The following DLGAP1 variants were observed in gnomAD, a reference collection of about 807,000 sequenced individuals.
The protein encoded by DLGAP1 is disks large-associated protein 1.
In DLGAP1, 11 loss-of-function variants were observed where a neutral mutation model predicts 90.8. The observed-to-expected ratio is 0.12, with a 90% CI of 0.08 to 0.20. DLGAP1 has a LOEUF of 0.20. Among genes scored for constraint, DLGAP1 ranks in the 10% least tolerant of loss-of-function variants. DLGAP1 has a pLI of 1.00. For synonymous variants in DLGAP1, 558 were observed against 540.7 expected (o/e 1.03, Z -0.44); for missense variants, 1,050 against 1,333.8 (o/e 0.79, Z 3.31).
Position 4,101,003 on chromosome 18 carries a change from C to T in DLGAP1, c.-159+50177G>A, listed in dbSNP as rs141612435. On this transcript the variant is annotated intron_variant, in intron 2 of 12. Transcript: ENST00000315677. ...CGAACTTTTTCTATATTATCAGTAA[C>T]GCCATTGCACTTTCTTAATGCTTGT... Among the ~76,000 whole-genome samples, 25 of 152,286 alleles carry T rather than the reference C, an allele frequency of 1.6e-4. 1 individual carries two copies. Among genetic ancestry groups the T allele is most frequent in the South Asian group, 1.0e-3 (5 of 4,828 alleles).
intron 7 of DLGAP1, among the ~76,000 whole-genome samples, chr18:3,618,758 G>A (rs1362412102): frequency 4.0e-5 from 6 of 149,544 alleles, no homozygotes; most frequent in African/African-American, 9.9e-5. Flanking sequence ...CTAACACGGT[G>A]AAACCCCGTC....
intron 3 of DLGAP1, chr18:3,894,689 T>C (rs1251878185): frequency 6.6e-6 from 1 of 152,196 alleles, no homozygotes; most frequent in Non-Finnish European, 1.5e-5. Flanking sequence ...TCTGTATGAA[T>C]TTTCGGATTA....
chr18:3,706,651 A>G (rs902801134), intron 7 of DLGAP1, among the ~76,000 whole-genome samples: 2 of 152,220 alleles, frequency 1.3e-5, no homozygotes, highest in Admixed American at 1.3e-4. Flanking sequence ...AGGCTTGCAC[A>G]TGTGAGACTC....
At chr18:4,245,190 T>C (rs987047589) in intron 1 of DLGAP1, among the ~76,000 whole-genome samples, 1 of 152,240 alleles carries the variant, frequency 6.6e-6, no homozygotes, top group Admixed American at 6.5e-5. Context: ...AAGTGCTCGG[T>C]ACTTGACATT....
intron 5 of DLGAP1, among the ~76,000 whole-genome samples, chr18:3,765,945 C>G (rs1351460784): frequency 6.6e-6 from 1 of 151,984 alleles, no homozygotes; most frequent in Non-Finnish European, 1.5e-5. Flanking sequence ...AGGGAAACAA[C>G]AGACAAAATA....
chr18:3,517,552 T>C lies in DLGAP1; in HGVS notation c.2480-8891A>G, dbSNP rs1220507751. Reference sequence around the variant, plus strand: ...AAGAGAGTTGGCCGGGCGCGGTGGCTCATGCCTGTAATCCCAGCACTTTGG... The same window carrying C: ...AAGAGAGTTGGCCGGGCGCGGTGGCCCATGCCTGTAATCCCAGCACTTTGG... On this transcript the variant is annotated intron_variant, in intron 10 of 12. Coordinates refer to ENST00000315677, the MANE Select transcript of DLGAP1 (RefSeq NM_004746.4). This position sits in a 1 kb window ranked among gnomAD's most constrained non-coding sequence, Gnocchi z 4.1. 6.6e-6 allele frequency among the ~76,000 whole-genome samples: 1 copy of C among 152,128 alleles called. No individual in the cohort carries two copies. Among genetic ancestry groups the C allele is most frequent in the Non-Finnish European group, 1.5e-5 (1 of 68,026 alleles).
intron 3 of DLGAP1, among the ~76,000 whole-genome samples, chr18:3,908,162 G>T (rs772742944): frequency 6.6e-6 from 1 of 152,158 alleles, no homozygotes; most frequent in African/African-American, 2.4e-5. Flanking sequence ...GCATTGTACT[G>T]AACAGAGTAG....
intron 4 of DLGAP1, among the ~76,000 whole-genome samples, chr18:3,876,356 C>A (rs1418379997): frequency 6.6e-6 from 1 of 152,164 alleles, no homozygotes; most frequent in African/African-American, 2.4e-5. Flanking sequence ...ACATTTAATT[C>A]TCTTACTAAC....
intron 1 of DLGAP1, among the ~76,000 whole-genome samples, chr18:4,379,927 G>T (rs2082082834): frequency 6.6e-6 from 1 of 152,150 alleles, no homozygotes; most frequent in South Asian, 2.1e-4. Flanking sequence ...TTTGAAAAAT[G>T]AATAAACCAA....
intron 4 of DLGAP1, chr18:3,821,754 G>A (rs1273318874): frequency 3.5e-6 from 1 of 282,892 alleles, no homozygotes. Context: ...GAGCCTTGAA[G>A]CATCCCAACA....
intron 1 of DLGAP1, among the ~76,000 whole-genome samples, chr18:4,157,145 C>T (rs74808601): frequency 3.3e-5 from 5 of 152,016 alleles, no homozygotes; most frequent in East Asian, 1.9e-4. Flanking sequence ...GAGGTGGGAC[C>T]GGGCCGTCAG....
chr18:3,523,864 AG>A (rs2051428725), intron 10 of DLGAP1, among the ~76,000 whole-genome samples: 1 of 148,784 alleles, frequency 6.7e-6, no homozygotes, highest in Non-Finnish European at 1.5e-5. Flanking sequence ...AAAAAAAAGG[AG>A]GGCAAAGGTC....
intron 7 of DLGAP1, chr18:3,596,871 T>TGATGTTGGCC (rs748241255): frequency 7.7e-6 from 4 of 520,136 alleles, no homozygotes; most frequent in Non-Finnish European, 1.5e-5. Flanking sequence ...CCCTCGTGTT[T>TGATGTTGGCC]GATGTTGGCC....
chr18:4,447,332 C>T (rs927479251), intron 1 of DLGAP1, among the ~76,000 whole-genome samples: 1 of 152,102 alleles, frequency 6.6e-6, no homozygotes, highest in Non-Finnish European at 1.5e-5. Context: ...TAAATCAGAT[C>T]TACATGTCAT....
chr18:4,203,015 C>T lies in DLGAP1; in HGVS notation c.-266-51728G>A, dbSNP rs2077637421. ...TCTTGGCCAGGTGCCATGGCTCATGCCTGTAATCCTAGCACTTTGGGAGGC... is the reference window on the plus strand; with the variant it reads ...TCTTGGCCAGGTGCCATGGCTCATGTCTGTAATCCTAGCACTTTGGGAGGC... On this transcript the variant is annotated intron_variant, in intron 1 of 12. Coordinates refer to ENST00000315677, the MANE Select transcript of DLGAP1 (RefSeq NM_004746.4). Among the ~76,000 whole-genome samples, 3 of 152,094 alleles carry T rather than the reference C, an allele frequency of 2.0e-5. No individual in the cohort carries two copies. The South Asian group carries it at 6.2e-4, about 32-fold the overall frequency.
intron 2 of DLGAP1, among the ~76,000 whole-genome samples, chr18:4,032,082 T>A (rs1013928885): frequency 6.6e-6 from 1 of 152,200 alleles, no homozygotes; most frequent in African/African-American, 2.4e-5. Flanking sequence ...ATATTGGTCA[T>A]GGGGCATGAG....
At chr18:4,268,826 T>C (rs1389460960) in intron 1 of DLGAP1, among the ~76,000 whole-genome samples, 1 of 152,186 alleles carries the variant, frequency 6.6e-6, no homozygotes, top group Non-Finnish European at 1.5e-5. Flanking sequence ...AAAATCAATG[T>C]ATTTAATAAC....
At chr18:3,663,497 C>T (rs952822798) in intron 7 of DLGAP1, among the ~76,000 whole-genome samples, 7 of 152,218 alleles carry the variant, frequency 4.6e-5, no homozygotes, top group Middle Eastern at 3.4e-3. Flanking sequence ...CTGCTTTGGC[C>T]GTCACCAAGA....
intron 4 of DLGAP1, among the ~76,000 whole-genome samples, chr18:3,848,920 A>G (rs1328150946): frequency 4.6e-5 from 7 of 152,066 alleles, no homozygotes; most frequent in Non-Finnish European, 5.9e-5. Context: ...CCTCCCCCCA[A>G]CACTAGCAAG....
Sources: allele counts gnomAD v4.1 joint callset (sites outside exome capture counted in the v4.1 genomes callset), GRCh38; gene constraint gnomAD v4.1.1; non-coding constraint Gnocchi (gnomAD v3.1); transcripts MANE v1.5; gene names NCBI Gene and HGNC (gene_info 2026-07-23, HGNC 2026-07-21).